PCDHGB5: variants seen among roughly 807,000 people sequenced by gnomAD.
PCDHGB5 encodes protocadherin gamma subfamily B, 5, also known as protocadherin gamma-B5.
A neutral mutation model predicts 62.9 loss-of-function variants in PCDHGB5; 48 were observed. The observed-to-expected ratio is 0.76, with a 90% CI of 0.61 to 0.97. The LOEUF (loss-of-function observed/expected upper bound fraction) is 0.97. Ranked by LOEUF, PCDHGB5 falls within the 50% of genes least tolerant of loss-of-function variation. The pLI, the probability that PCDHGB5 is intolerant of heterozygous loss-of-function variation, is 0.00. For synonymous variants in PCDHGB5, 474 were observed against 511.2 expected (o/e 0.93, Z 0.98); for missense variants, 1,118 against 1,198.6 (o/e 0.93, Z 0.99).
intron 1 of PCDHGB5, chr5:141,410,849 C>CTTTTTTTTTCTTTTTTTTTTT (rs2095433801): frequency 7.7e-6 from 1 of 129,786 alleles, no homozygotes; most frequent in Non-Finnish European, 1.3e-5. Context: ...TTGTCTTTGT[C>CTTTTTTTTTCTTTTTTTTTTT]TTTTTTTTTT....
At chr5:141,406,836 TC>T (rs2094857566) in intron 1 of PCDHGB5, among the ~76,000 whole-genome samples, 1 of 152,232 alleles carries the variant, frequency 6.6e-6, no homozygotes, top group Non-Finnish European at 1.5e-5. Context: ...AACTTGCATA[TC>T]AGATATAATT....
chr5:141,427,998 C>A, intron 1 of PCDHGB5: 1 of 1,600,956 alleles, frequency 6.2e-7, no homozygotes, highest in Non-Finnish European at 8.6e-7. Context: ...TGGCTCCGCA[C>A]TCTTCGATAT....
At chr5:141,478,329 C>T (rs1295950117) in intron 1 of PCDHGB5, 1 of 1,613,982 alleles carries the variant, frequency 6.2e-7, no homozygotes, top group African/African-American at 1.3e-5. Context: ...TACCGAACAC[C>T]AGGGCCCTCC....
rs1488305057 is a variant in PCDHGB5, at chr5:141,477,736, C to G, written c.2398-17071C>G. 6.2e-7 allele frequency: 1 copy of G among 1,613,790 alleles called. No homozygotes were observed. The highest frequency in any genetic ancestry group is 1.1e-5 in the South Asian group (1 of 91,088). On this transcript the variant is annotated intron_variant, in intron 1 of 3. Coordinates refer to ENST00000617380, the MANE Select transcript of PCDHGB5 (RefSeq NM_018925.3). This position sits in a 1 kb window ranked among gnomAD's most constrained non-coding sequence, Gnocchi z 4.9. ...AATTTGAATTAACAGCTCATATCAG[C>G]GATGGGGGCACCCCGGTCCTAGCCA...
At chr5:141,444,918 C>T (rs1197922745) in intron 1 of PCDHGB5, among the ~76,000 whole-genome samples, 1 of 152,106 alleles carries the variant, frequency 6.6e-6, no homozygotes, top group Non-Finnish European at 1.5e-5. Flanking sequence ...ATACCTTTAT[C>T]AGGGAAAGAG....
chr5:141,475,749 A>G (rs1039777629), intron 1 of PCDHGB5, among the ~76,000 whole-genome samples: 13 of 152,278 alleles, frequency 8.5e-5, no homozygotes, highest in Admixed American at 6.5e-5. Context: ...TAGGTTTCCT[A>G]TGCACCGATA....
chr5:141,462,998 C>A (rs562002585), intron 1 of PCDHGB5, among the ~76,000 whole-genome samples: 3 of 152,190 alleles, frequency 2.0e-5, no homozygotes, highest in Admixed American at 2.0e-4. Context: ...CTAATTTAGA[C>A]CTACCACTTA....
In PCDHGB5 at chr5:141,485,313, A is replaced by G. The variant is rs758628263; in HGVS notation, c.2398-9494A>G. On this transcript the variant is annotated intron_variant, in intron 1 of 3. Transcript: ENST00000617380. The surrounding 1 kb of genome is among the most constrained non-coding windows in gnomAD (Gnocchi z 5.7). Reference sequence around the variant, plus strand: ...TCACAGGAAGGGACTTTTGTAGGGAATGTCGCTCAAGATTTCCTGCTGGAT... The same window carrying G: ...TCACAGGAAGGGACTTTTGTAGGGAGTGTCGCTCAAGATTTCCTGCTGGAT... 1.2e-6 allele frequency: 2 copies of G among 1,614,186 alleles called. No individual in the cohort carries two copies. Among genetic ancestry groups the G allele is most frequent in the African/African-American group, 1.3e-5 (1 of 75,054 alleles).
Position 141,511,345 on chromosome 5 carries a change from TC to T in PCDHGB5, c.*179del, listed in dbSNP as rs535135679. On this transcript the variant is annotated 3_prime_UTR_variant, in exon 4 of 4. Coordinates refer to ENST00000617380, the MANE Select transcript of PCDHGB5 (RefSeq NM_018925.3). ...AAGTGCCCAGTCAGCACCTACCCCTTCCCCCCCAGGGGGTTGAATATGCAAA... is the reference window on the plus strand; with the variant it reads ...AAGTGCCCAGTCAGCACCTACCCCTTCCCCCCAGGGGGTTGAATATGCAAA... The T allele has an allele frequency of 2.2e-5, 31 of 1,410,342 alleles. No individual in the cohort carries two copies. Among genetic ancestry groups the T allele is most frequent in the South Asian group, 2.9e-5 (2 of 68,200 alleles). 87.4% of individuals were successfully genotyped at this position (1,410,342 alleles called of 1,614,324 possible). A position where few individuals can be genotyped will look rare whatever the true frequency, so the allele number is the denominator to read the frequency against.
chr5:141,408,055 C>T lies in PCDHGB5; in HGVS notation c.2397+7531C>T, dbSNP rs1012762205. 35 of 1,299,012 alleles carry T rather than the reference C, an allele frequency of 2.7e-5. No homozygotes were observed. In the South Asian group the frequency reaches 3.8e-4, roughly 14 times the overall value. 80.5% of individuals were successfully genotyped at this position (1,299,012 alleles called of 1,614,324 possible). On this transcript the variant is annotated intron_variant, in intron 1 of 3. Coordinates refer to ENST00000617380, the MANE Select transcript of PCDHGB5 (RefSeq NM_018925.3). ...AAAACCAGCTCCCACACAGAGCCTCCCGGCTGCGCAGACCTTTCCCAGCAC... is the reference window on the plus strand; with the variant it reads ...AAAACCAGCTCCCACACAGAGCCTCTCGGCTGCGCAGACCTTTCCCAGCAC...
intron 1 of PCDHGB5, chr5:141,420,079 C>T (rs1362049053): frequency 6.2e-7 from 1 of 1,613,998 alleles, no homozygotes; most frequent in Non-Finnish European, 8.5e-7. Flanking sequence ...CTGTGGGTCC[C>T]CCCAACTACA....
At chr5:141,423,251 ACCTCGGCAG>A (rs770264100) in intron 1 of PCDHGB5, 3 of 1,613,726 alleles carry the variant, frequency 1.9e-6, no homozygotes, top group African/African-American at 2.7e-5. Flanking sequence ...GTCCTGGCGG[ACCTCGGCAG>A]CCTCGAGTCT....
At position 141,421,139 on chromosome 5, in the gene PCDHGB5, A is replaced by T. The variant is rs2096548615; in HGVS notation, c.2397+20615A>T. Reference sequence around the variant, plus strand: ...TCCTTCGCTTTCTGATATATTTTGGATGTAGTCGGCCTAGGACTTCATAGA... The same window carrying T: ...TCCTTCGCTTTCTGATATATTTTGGTTGTAGTCGGCCTAGGACTTCATAGA... On this transcript the variant is annotated intron_variant, in intron 1 of 3. Transcript: ENST00000617380. 5 of 913,574 alleles carry T rather than the reference A, an allele frequency of 5.5e-6. No individual in the cohort carries two copies. The South Asian group carries it at 8.8e-5, about 16-fold the overall frequency. 56.6% of individuals were successfully genotyped at this position (913,574 alleles called of 1,614,324 possible). A position where few individuals can be genotyped will look rare whatever the true frequency, so the allele number is the denominator to read the frequency against.
At chr5:141,495,852 TCTCA>T (rs1473070626) in intron 2 of PCDHGB5, among the ~76,000 whole-genome samples, 1 of 152,174 alleles carries the variant, frequency 6.6e-6, no homozygotes, top group Non-Finnish European at 1.5e-5. Flanking sequence ...TTTCTCTGTC[TCTCA>T]CTATTTCTGC....
At chr5:141,403,218 G>A in intron 1 of PCDHGB5, 1 of 1,613,968 alleles carries the variant, frequency 6.2e-7, no homozygotes. Flanking sequence ...ACCGCGGGTA[G>A]GATAGACCGG....
intron 1 of PCDHGB5, chr5:141,441,667 A>C: frequency 3.7e-6 from 1 of 267,984 alleles, no homozygotes; most frequent in Non-Finnish European, 7.4e-6. Flanking sequence ...TTGAGCGCAC[A>C]GTGCGCCTTC....
intron 1 of PCDHGB5, among the ~76,000 whole-genome samples, chr5:141,430,040 T>C (rs1449876504): frequency 1.3e-5 from 2 of 152,232 alleles, no homozygotes; most frequent in African/African-American, 2.4e-5. Flanking sequence ...ATTCTGATAA[T>C]GTATACAATC....
At chr5:141,501,402 G>T (rs527659990) in intron 2 of PCDHGB5, among the ~76,000 whole-genome samples, 1 of 151,622 alleles carries the variant, frequency 6.6e-6, no homozygotes, top group African/African-American at 2.4e-5. Context: ...ACAGGCCACT[G>T]CTTGGAAAAT....
chr5:141,494,316 G>T (rs2099753509), intron 1 of PCDHGB5, among the ~76,000 whole-genome samples: 1 of 152,172 alleles, frequency 6.6e-6, no homozygotes, highest in Admixed American at 6.5e-5. Flanking sequence ...TGCACAACCT[G>T]GCACCAAAAG....
Sources: gnomAD v4.1 joint callset for allele counts (sites outside exome capture counted in the v4.1 genomes callset) on GRCh38, gnomAD v4.1.1 for gene constraint, Gnocchi (gnomAD v3.1) non-coding constraint, MANE v1.5 for transcripts, NCBI Gene and HGNC (gene_info 2026-07-23, HGNC 2026-07-21) for gene names.